Variants in TJP1 observed in about 807,000 individuals in gnomAD.
TJP1 encodes tight junction protein 1.
Under a neutral mutation model 194.2 loss-of-function variants are expected in TJP1, and 43 were observed. The observed-to-expected ratio is 0.22, with a 90% CI of 0.17 to 0.29. The LOEUF (loss-of-function observed/expected upper bound fraction) is 0.29. Among genes scored for constraint, TJP1 ranks in the 10% least tolerant of loss-of-function variants. TJP1 has a pLI of 1.00. For synonymous variants in TJP1, 801 were observed against 779.0 expected (o/e 1.03, Z -0.47); for missense variants, 1,971 against 2,185.7 (o/e 0.90, Z 1.96).
In TJP1 at chr15:29,773,873, T is replaced by C. The variant is rs187044090; in HGVS notation, c.85-516A>G. On this transcript the variant is annotated intron_variant, in intron 2 of 27. Transcript: ENST00000614355. ...ATAATGCCTTGTGCACACTATACAA[T>C]AGAAGGTGTACATTAGCCATATTGA... Among the ~76,000 whole-genome samples the C allele has an allele frequency of 3.9e-3, 591 of 152,354 alleles. 5 individuals carry two copies. Among genetic ancestry groups the C allele is most frequent in the African/African-American group, 0.014 (562 of 41,580 alleles).
At chr15:29,874,164 G>A (rs750873824) in intron 2 of TJP1, among the ~76,000 whole-genome samples, 11 of 152,120 alleles carry the variant, frequency 7.2e-5, no homozygotes, top group Admixed American at 2.6e-4. Context: ...AGTAACGGAG[G>A]TGCGGTCACA....
intron 1 of TJP1, among the ~76,000 whole-genome samples, chr15:29,821,198 A>G (rs2050314944): frequency 6.6e-6 from 1 of 152,216 alleles, no homozygotes; most frequent in South Asian, 2.1e-4. Context: ...AATGTAATAC[A>G]CAAGTTAGTT....
intron 17 of TJP1, 29 bp from the exon 18 acceptor site, chr15:29,726,508 T>C (rs751477571): frequency 3.6e-5 from 58 of 1,601,908 alleles, no homozygotes; most frequent in Middle Eastern, 1.6e-4. Context: ...TGTAGTTTTA[T>C]GGTTAGAGCA....
intron 2 of TJP1, among the ~76,000 whole-genome samples, chr15:29,848,096 T>C (rs1031200216): frequency 6.6e-6 from 1 of 152,142 alleles, no homozygotes; most frequent in East Asian, 1.9e-4. Context: ...TATTTTAAAT[T>C]TCCTGAGGCA....
chr15:29,702,647 A>C (rs1319014177), intron 27 of TJP1, among the ~76,000 whole-genome samples: 1 of 152,194 alleles, frequency 6.6e-6, no homozygotes, highest in Non-Finnish European at 1.5e-5. Context: ...CCAAAATGTC[A>C]ACAGTGCCAG....
chr15:29,889,144 C>G (rs994695235), intron 2 of TJP1, among the ~76,000 whole-genome samples: 2 of 152,152 alleles, frequency 1.3e-5, no homozygotes, highest in African/African-American at 4.8e-5. Flanking sequence ...ACAAAATAAT[C>G]TTTGACTGAT....
At chr15:29,863,019 G>T (rs994981298) in intron 2 of TJP1, among the ~76,000 whole-genome samples, 4 of 151,606 alleles carry the variant, frequency 2.6e-5, no homozygotes, top group Non-Finnish European at 5.9e-5. Flanking sequence ...GCTTGTCTGG[G>T]CACGGTGGCT....
At chr15:29,800,023 G>T (rs756204130) in intron 2 of TJP1, among the ~76,000 whole-genome samples, 1 of 152,186 alleles carries the variant, frequency 6.6e-6, no homozygotes, top group Non-Finnish European at 1.5e-5. Flanking sequence ...GTGTCAACTT[G>T]TTCCATTTTA....
At chr15:29,773,870 C>T (rs1367129330) in intron 2 of TJP1, among the ~76,000 whole-genome samples, 1 of 152,158 alleles carries the variant, frequency 6.6e-6, no homozygotes, top group African/African-American at 2.4e-5. Context: ...GCACACTATA[C>T]AATAGAAGGT....
exon 2 of TJP1, chr15:29,956,323 C>G: frequency 7.8e-7 from 1 of 1,289,004 alleles, no homozygotes; most frequent in South Asian, 1.2e-5. Flanking sequence ...TTGGCTGACA[C>G]TAGAAGTAGC....
At chr15:29,848,203 C>T (rs757289098) in intron 2 of TJP1, among the ~76,000 whole-genome samples, 16 of 150,832 alleles carry the variant, frequency 1.1e-4, no homozygotes, top group Admixed American at 3.3e-4. Context: ...GGTTGGGTTA[C>T]TGTTCTGCAG....
chr15:29,841,367 T>C (rs1157893217), intron 2 of TJP1, among the ~76,000 whole-genome samples: 5 of 152,244 alleles, frequency 3.3e-5, no homozygotes, highest in Non-Finnish European at 5.9e-5. Context: ...TACTTGTTCA[T>C]ATGTTTACAA....
chr15:29,877,070 G>A (rs373322844), intron 2 of TJP1, among the ~76,000 whole-genome samples: 1 of 152,128 alleles, frequency 6.6e-6, no homozygotes, highest in African/African-American at 2.4e-5. Flanking sequence ...CTCTGATAGG[G>A]CAGGATTCTA....
intron 2 of TJP1, among the ~76,000 whole-genome samples, chr15:29,792,524 T>C (rs2048160726): frequency 6.6e-6 from 1 of 152,248 alleles, no homozygotes; most frequent in African/African-American, 2.4e-5. Context: ...GTATGTAATG[T>C]GATTCCTTCA....
At chr15:29,749,246 C>G (rs889344762) in intron 8 of TJP1, among the ~76,000 whole-genome samples, 5 of 151,830 alleles carry the variant, frequency 3.3e-5, no homozygotes, top group Admixed American at 2.6e-4. Flanking sequence ...GACAAGACAG[C>G]TGACAAAGAT....
chr15:29,865,417 T>G (rs2152110078), intron 2 of TJP1, among the ~76,000 whole-genome samples: 1 of 152,260 alleles, frequency 6.6e-6, no homozygotes, highest in South Asian at 2.1e-4. Context: ...ATAATACTCT[T>G]CCCAACATAA....
intron 2 of TJP1, among the ~76,000 whole-genome samples, chr15:29,935,239 A>G (rs1289710120): frequency 6.6e-6 from 1 of 152,200 alleles, no homozygotes; most frequent in Non-Finnish European, 1.5e-5. Context: ...TTTTTCTTTC[A>G]AGCGTTCCTT....
chr15:29,762,453 G>T lies in TJP1; in HGVS notation c.590-15C>A. On this transcript the variant is annotated splice_polypyrimidine_tract_variant and intron_variant, in intron 5 of 27. Transcript: ENST00000614355. Reference sequence around the variant, plus strand: ...AAGACCATATTCTGAAATAATGTAAGTAAGTGTTTTTAGTATAACATCCTA... The same window carrying T: ...AAGACCATATTCTGAAATAATGTAATTAAGTGTTTTTAGTATAACATCCTA... 1 of 1,600,944 alleles carries T rather than the reference G, an allele frequency of 6.2e-7. No homozygotes were observed. The highest frequency in any genetic ancestry group is 8.5e-7 in the Non-Finnish European group (1 of 1,170,534).
chr15:29,728,926 A>T (rs988914552), intron 15 of TJP1: 17 of 152,098 alleles, frequency 1.1e-4, no homozygotes, highest in African/African-American at 4.1e-4. Flanking sequence ...AATGCTACTA[A>T]CTCCTCAACT....
Sources: allele counts gnomAD v4.1 joint callset (sites outside exome capture counted in the v4.1 genomes callset), GRCh38; gene constraint gnomAD v4.1.1; transcripts MANE v1.5; gene names NCBI Gene and HGNC (gene_info 2026-07-23, HGNC 2026-07-21).